MMP2: variants seen among roughly 807,000 people sequenced by gnomAD.
MMP2 encodes the protein matrix metallopeptidase 2.
MMP2 carries 39 observed loss-of-function variants against 74.8 expected under a neutral mutation model. That is an observed-to-expected ratio of 0.52 (90% CI 0.40 to 0.68). MMP2 has a LOEUF of 0.68. Ranked by LOEUF, MMP2 falls within the 30% of genes least tolerant of loss-of-function variation. The probability of loss-of-function intolerance (pLI) is 0.00; values close to 1 mark genes in which losing one functional copy is unlikely to be tolerated. For missense variants in MMP2, 803 were observed against 878.3 expected (o/e 0.91, Z 1.08); for synonymous variants, 367 against 339.8 (o/e 1.08, Z -0.88).
intron 6 of MMP2, 196 bp downstream of exon 6, chr16:55,488,912 A>C (rs566404852): frequency 1.6e-6 from 1 of 642,526 alleles, no homozygotes; most frequent in South Asian, 1.9e-5. Flanking sequence ...GGGCACTGAA[A>C]TCAGAACAGA....
intron 4 of MMP2, 32 bp downstream of exon 4, chr16:55,485,459 C>T (rs759496785): frequency 5.6e-6 from 9 of 1,614,044 alleles, no homozygotes; most frequent in Non-Finnish European, 7.6e-6. Flanking sequence ...TGCCCCAGAC[C>T]TTCTCTCCTG....
At chr16:55,481,096 C>T (rs1264371117) in intron 1 of MMP2, among the ~76,000 whole-genome samples, 1 of 152,070 alleles carries the variant, frequency 6.6e-6, no homozygotes, top group African/African-American at 2.4e-5. Context: ...AAAGTGAAAA[C>T]AAATTTATTA....
intron 7 of MMP2, 150 bp downstream of exon 7, chr16:55,489,974 A>T (rs1439640333): frequency 2.3e-6 from 2 of 866,528 alleles, no homozygotes; most frequent in African/African-American, 3.3e-5. Context: ...CTGGGCTGAG[A>T]CAATGCCCAT....
Position 55,504,896 on chromosome 16 carries a change from C to T in MMP2, c.1880-443C>T, listed in dbSNP as rs539771346. ...CTTGATCTCCTGACTTCGTGATCTGCCCGTCTCGGCCTCCCAAAGTGCTGG... is the reference window on the plus strand; with the variant it reads ...CTTGATCTCCTGACTTCGTGATCTGTCCGTCTCGGCCTCCCAAAGTGCTGG... On this transcript the variant is annotated intron_variant, in intron 12 of 12. Transcript: ENST00000219070. Among the ~76,000 whole-genome samples, 520 of 152,206 alleles carry T rather than the reference C, an allele frequency of 3.4e-3. 4 individuals carry two copies. The highest frequency in any genetic ancestry group is 7.5e-3 in the South Asian group (36 of 4,828).
At chr16:55,495,150 G>A (rs1166065556) in intron 9 of MMP2, among the ~76,000 whole-genome samples, 1 of 152,226 alleles carries the variant, frequency 6.6e-6, no homozygotes, top group Non-Finnish European at 1.5e-5. Context: ...ATCAGGTCCC[G>A]TCAGGCCTCG....
intron 1 of MMP2, among the ~76,000 whole-genome samples, chr16:55,482,448 T>A (rs900592832): frequency 1.3e-5 from 2 of 152,178 alleles, no homozygotes; most frequent in Admixed American, 6.5e-5. Flanking sequence ...AAAGGAAGGA[T>A]GCTGGAGTAT....
chr16:55,482,695 C>T (rs1269045456), intron 1 of MMP2, among the ~76,000 whole-genome samples: 1 of 152,202 alleles, frequency 6.6e-6, no homozygotes, highest in Non-Finnish European at 1.5e-5. Context: ...AAGTGGTAGC[C>T]ATGCTCTCTA....
intron 5 of MMP2, among the ~76,000 whole-genome samples, chr16:55,486,319 A>T (rs1040335193): frequency 1.0e-5 from 1 of 98,506 alleles, no homozygotes. Flanking sequence ...GCCTCTGCTA[A>T]TGCGTGTGTG....
At chr16:55,497,284 G>C (rs1319000301) in intron 10 of MMP2, among the ~76,000 whole-genome samples, 1 of 152,062 alleles carries the variant, frequency 6.6e-6, no homozygotes, top group Admixed American at 6.5e-5. Flanking sequence ...TTAACCCTCA[G>C]TGTACACATT....
At chr16:55,498,682 T>C (rs79195772) in intron 11 of MMP2, among the ~76,000 whole-genome samples, 1 of 152,362 alleles carries the variant, frequency 6.6e-6, no homozygotes, top group African/African-American at 2.4e-5. Context: ...CTTTGCAGAA[T>C]TCTTTTGATT....
intron 3 of MMP2, 77 bp downstream of exon 3, chr16:55,484,241 G>T: frequency 6.5e-7 from 1 of 1,533,190 alleles, no homozygotes; most frequent in Non-Finnish European, 8.9e-7. Context: ...ACATTAGAGG[G>T]GCGTGGGGAT....
chr16:55,502,875 C>T lies in MMP2; in HGVS notation c.1866C>T (p.Asp622=), dbSNP rs1320409879. ...CCGATAACCTGGATGCCGTCGTGGA[C>T]CTGCAGGGCGGCGGTGAGCCACCCA... ...AIPDNLDAVV[D]LQGGGHSYFF... The change falls in exon 12 of 13, where the codon GAC becomes GAT. Residue 622 remains aspartate (D), a synonymous_variant. Coordinates refer to ENST00000219070, the MANE Select transcript of MMP2 (RefSeq NM_004530.6). 6.8e-6 allele frequency: 11 copies of T among 1,613,480 alleles called. No individual in the cohort carries two copies. The African/African-American group carries it at 1.1e-4, about 16-fold the overall frequency.
At chr16:55,482,736 G>T (rs1962135628) in intron 1 of MMP2, among the ~76,000 whole-genome samples, 173 bp from the exon 2 acceptor site, 1 of 152,172 alleles carries the variant, frequency 6.6e-6, no homozygotes. Flanking sequence ...CAACTAATGG[G>T]TGACCGTGCT....
At chr16:55,490,576 C>T (rs866934791) in intron 7 of MMP2, among the ~76,000 whole-genome samples, 3 of 152,188 alleles carry the variant, frequency 2.0e-5, no homozygotes, top group African/African-American at 7.2e-5. Context: ...CCCAGGGTTG[C>T]AGGGTTGCTT....
chr16:55,480,018 A>T, intron 1 of MMP2: 1 of 248,808 alleles, frequency 4.0e-6, no homozygotes, highest in Non-Finnish European at 7.8e-6. Context: ...TTTTGGACAC[A>T]TCTGGGCAGT....
chr16:55,493,326 G>A (rs1222560663), intron 9 of MMP2, 33 bp downstream of exon 9: 1 of 1,613,754 alleles, frequency 6.2e-7, no homozygotes, highest in South Asian at 1.1e-5. Context: ...TGTCCTCCTT[G>A]TCTCCTGTCC....
chr16:55,502,978 C>A, intron 12 of MMP2, 90 bp downstream of exon 12: 2 of 1,038,752 alleles, frequency 1.9e-6, no homozygotes, highest in Non-Finnish European at 2.9e-6. Flanking sequence ...CTTTATTGTG[C>A]AGGGCAGGCA....
intron 8 of MMP2, 134 bp downstream of exon 8, chr16:55,492,090 G>A (rs770158800): frequency 1.2e-4 from 99 of 850,608 alleles, no homozygotes; most frequent in Non-Finnish European, 1.8e-4. Context: ...GCAGGAAATG[G>A]GAGTGTTGAC....
intron 7 of MMP2, among the ~76,000 whole-genome samples, chr16:55,490,077 C>T (rs1046980069): frequency 6.6e-6 from 1 of 152,172 alleles, no homozygotes; most frequent in Non-Finnish European, 1.5e-5. Flanking sequence ...GATGCTGCTA[C>T]TCACCTCCTG....
Sources: allele counts gnomAD v4.1 joint callset (sites outside exome capture counted in the v4.1 genomes callset), GRCh38; gene constraint gnomAD v4.1.1; transcripts MANE v1.5; gene names NCBI Gene and HGNC (gene_info 2026-07-23, HGNC 2026-07-21).